The following SMC6 variants were observed in gnomAD, a reference collection of about 807,000 sequenced individuals.
SMC6 encodes the protein structural maintenance of chromosomes 6, also known as structural maintenance of chromosomes protein 6.
A neutral mutation model predicts 142.2 loss-of-function variants in SMC6; 79 were observed. The observed-to-expected ratio is 0.56, with a 90% CI of 0.46 to 0.67. The LOEUF is 0.67. Among genes scored for constraint, SMC6 ranks in the 30% least tolerant of loss-of-function variants. SMC6 has a pLI of 0.00. For synonymous variants in SMC6, 411 were observed against 412.4 expected (o/e 1.00, Z 0.04); for missense variants, 1,072 against 1,284.0 (o/e 0.83, Z 2.52).
At chr2:17,691,153 A>G (rs1667693148) in intron 23 of SMC6, among the ~76,000 whole-genome samples, 1 of 150,816 alleles carries the variant, frequency 6.6e-6, no homozygotes, top group Admixed American at 6.6e-5. Flanking sequence ...TCACTAAACC[A>G]AAACAGCAAC....
Position 17,708,718 on chromosome 2 carries a change from G to A in SMC6, c.1766C>T (p.Thr589Ile). ...AACCGCATTATCTATTTCTAAAGCTGTCAGAACTGTTGGAAAGTCTGGATG... is the reference window on the plus strand; with the variant it reads ...AACCGCATTATCTATTTCTAAAGCTATCAGAACTGTTGGAAAGTCTGGATG... Reference protein sequence around the residue: ...AYHPDFPTVLTALEIDNAVVA... With the variant: ...AYHPDFPTVLIALEIDNAVVA... The change falls in exon 17 of 28, where the codon ACA becomes ATA. Residue 589 changes from threonine (T) to isoleucine (I), a missense_variant. This residue lies in a region of SMC6 where 994 missense variants were observed against 1,153.2 expected (regional missense o/e 0.86). Coordinates refer to ENST00000448223, the MANE Select transcript of SMC6 (RefSeq NM_001142286.2). The A allele has an allele frequency of 6.4e-7, 1 of 1,552,716 alleles. No individual in the cohort carries two copies. Among genetic ancestry groups the A allele is most frequent in the Non-Finnish European group, 8.7e-7 (1 of 1,147,408 alleles).
In SMC6 at chr2:17,696,271, A is replaced by G. The variant is rs755297594; in HGVS notation, c.2532+18T>C. On this transcript the variant is annotated intron_variant, in intron 22 of 27. Transcript: ENST00000448223. ...CTAAGGCTGAAAACAAAATAACTTGAAAAAAATGGTGAAAAACCTCTAGTT... is the reference window on the plus strand; with the variant it reads ...CTAAGGCTGAAAACAAAATAACTTGGAAAAAATGGTGAAAAACCTCTAGTT... 2 of 1,576,550 alleles carry G rather than the reference A, an allele frequency of 1.3e-6. No individual in the cohort carries two copies. Among genetic ancestry groups the G allele is most frequent in the Non-Finnish European group, 8.6e-7 (1 of 1,169,326 alleles).
At chr2:17,692,325 C>T (rs571540641) in intron 23 of SMC6, among the ~76,000 whole-genome samples, 1 of 152,288 alleles carries the variant, frequency 6.6e-6, no homozygotes, top group African/African-American at 2.4e-5. Context: ...GCTACAGTAA[C>T]CAAAACAGCA....
intron 24 of SMC6, among the ~76,000 whole-genome samples, chr2:17,682,847 C>T (rs1667293005): frequency 1.3e-5 from 2 of 151,406 alleles, no homozygotes; most frequent in Admixed American, 6.6e-5. Flanking sequence ...CAAAAACTAA[C>T]CTGTAGTTTC....
intron 23 of SMC6, among the ~76,000 whole-genome samples, chr2:17,690,707 C>CA (rs1667664817): frequency 6.6e-6 from 1 of 151,602 alleles, no homozygotes; most frequent in Admixed American, 6.6e-5. Flanking sequence ...CAAAAAAGTA[C>CA]ATGAAAAGGT....
intron 11 of SMC6, among the ~76,000 whole-genome samples, chr2:17,719,024 A>C (rs1486900887): frequency 6.6e-6 from 1 of 152,196 alleles, no homozygotes; most frequent in African/African-American, 2.4e-5. Context: ...GGATGCTGGC[A>C]ATAGGGACTG....
At chr2:17,708,171 G>T (rs144368169) in intron 17 of SMC6, among the ~76,000 whole-genome samples, 1 of 151,766 alleles carries the variant, frequency 6.6e-6, no homozygotes, top group Non-Finnish European at 1.5e-5. Flanking sequence ...AACAAAATAT[G>T]GTGATCTAAT....
At chr2:17,716,497 T>C (rs940447277) in intron 14 of SMC6, among the ~76,000 whole-genome samples, 3 of 152,142 alleles carry the variant, frequency 2.0e-5, no homozygotes, top group Non-Finnish European at 4.4e-5. Flanking sequence ...ATCCCAGAAA[T>C]TGTTCAACTC....
chr2:17,731,577 A>C (rs562706716), intron 6 of SMC6, among the ~76,000 whole-genome samples, 164 bp downstream of exon 6: 1 of 152,268 alleles, frequency 6.6e-6, no homozygotes, highest in South Asian at 2.1e-4. Flanking sequence ...GGGGTAAAAC[A>C]ACCATGTGTA....
In SMC6 at chr2:17,745,955, AACAAATAT is replaced by A; in HGVS notation, c.-5-12_-5-5del. On this transcript the variant is annotated splice_region_variant and splice_polypyrimidine_tract_variant and intron_variant, in intron 2 of 27. Transcript: ENST00000448223. ...TCCTTTCTTTTGGCCATCAGGTCTG[AACAAATAT>A]TTATAGTAACAATGAGGTAAATCAA... is the stretch of plus-strand genomic sequence containing the variant. The A allele has an allele frequency of 6.3e-7, 1 of 1,591,434 alleles. No homozygotes were observed. Among genetic ancestry groups the A allele is most frequent in the Non-Finnish European group, 8.5e-7 (1 of 1,170,090 alleles).
At chr2:17,704,904 ATTTAT>A (rs1572295341) in intron 18 of SMC6, among the ~76,000 whole-genome samples, 1 of 152,038 alleles carries the variant, frequency 6.6e-6, no homozygotes, top group African/African-American at 2.4e-5. Context: ...AATAGGAAAT[ATTTAT>A]TTTATCATAT....
rs1671228985 is a variant in SMC6 at position 17,753,727 on chromosome 2, C to T, written c.-194G>A. Reference sequence around the variant, plus strand: ...TGCGGGCGTCTCGACCTCGGCTGACCGCCGCTGGCCCCCTGGGAACCGCGT... The same window carrying T: ...TGCGGGCGTCTCGACCTCGGCTGACTGCCGCTGGCCCCCTGGGAACCGCGT... On this transcript the variant is annotated 5_prime_UTR_variant, in exon 1 of 28. Coordinates refer to ENST00000448223, the MANE Select transcript of SMC6 (RefSeq NM_001142286.2). The T allele has an allele frequency of 6.6e-6, 1 of 152,272 alleles. No individual in the cohort carries two copies. The highest frequency in any genetic ancestry group is 2.4e-5 in the African/African-American group (1 of 41,470). 9.4% of individuals were successfully genotyped at this position (152,272 alleles called of 1,614,324 possible). A position where few individuals can be genotyped will look rare whatever the true frequency, so the allele number is the denominator to read the frequency against.
In SMC6 at chr2:17,716,370, C is replaced by T; in HGVS notation, c.1347-106G>A. The T allele has an allele frequency of 6.0e-6, 6 of 996,388 alleles. 1 individual carries two copies. The South Asian group carries it at 8.3e-5, about 14-fold the overall frequency. 61.7% of individuals were successfully genotyped at this position (996,388 alleles called of 1,614,324 possible). A position where few individuals can be genotyped will look rare whatever the true frequency, so the allele number is the denominator to read the frequency against. The stretch of plus-strand genomic sequence containing the variant: ...TCCCAGTGAACGACCCAGCTAGCTA[C>T]CCTAAAAACCAAAAGCAGAATTATT... On this transcript the variant is annotated intron_variant, in intron 14 of 27. Coordinates refer to ENST00000448223, the MANE Select transcript of SMC6 (RefSeq NM_001142286.2).
chr2:17,730,854 T>C (rs1669881932), intron 7 of SMC6, among the ~76,000 whole-genome samples: 1 of 151,944 alleles, frequency 6.6e-6, no homozygotes, highest in African/African-American at 2.4e-5. Flanking sequence ...CCTCAGGTGA[T>C]CCACCCGCCT....
At chr2:17,710,984 C>G (rs1046461213) in intron 16 of SMC6, among the ~76,000 whole-genome samples, 2 of 152,018 alleles carry the variant, frequency 1.3e-5, no homozygotes, top group African/African-American at 4.8e-5. Flanking sequence ...CTAGAAACGT[C>G]AGGCAGTCAA....
At chr2:17,693,377 G>A (rs964315781) in intron 23 of SMC6, among the ~76,000 whole-genome samples, 20 of 152,112 alleles carry the variant, frequency 1.3e-4, no homozygotes, top group African/African-American at 4.3e-4. Flanking sequence ...AAAAAATGAC[G>A]AGTTCATGTC....
intron 18 of SMC6, among the ~76,000 whole-genome samples, chr2:17,704,868 A>C (rs1668427771): frequency 6.6e-6 from 1 of 152,174 alleles, no homozygotes; most frequent in Admixed American, 6.5e-5. Context: ...CCAGGTGCAA[A>C]AATTTAATAT....
intron 16 of SMC6, among the ~76,000 whole-genome samples, chr2:17,712,416 A>G (rs1431386567): frequency 6.6e-6 from 1 of 152,188 alleles, no homozygotes; most frequent in Non-Finnish European, 1.5e-5. Context: ...GCACAAGTAG[A>G]CTAGCCTCAG....
intron 18 of SMC6, among the ~76,000 whole-genome samples, chr2:17,706,369 T>C (rs1385209280): frequency 1.3e-5 from 2 of 152,186 alleles, no homozygotes; most frequent in Non-Finnish European, 2.9e-5. Context: ...ACTTTTTCTA[T>C]TGCTAATTGT....
Sources: allele counts gnomAD v4.1 joint callset (sites outside exome capture counted in the v4.1 genomes callset), GRCh38; gene constraint gnomAD v4.1.1; regional missense constraint gnomAD v4.1.1; transcripts MANE v1.5; gene names NCBI Gene and HGNC (gene_info 2026-07-23, HGNC 2026-07-21).